The following ELAVL4 variants were observed in gnomAD, a reference collection of about 807,000 sequenced individuals.
The protein encoded by ELAVL4 is ELAV like RNA binding protein 4.
In ELAVL4, 1 loss-of-function variant was observed where a neutral mutation model predicts 35.6. That is an observed-to-expected ratio of 0.03 (90% CI 0.01 to 0.13). The LOEUF (loss-of-function observed/expected upper bound fraction) is 0.13. Ranked by LOEUF, ELAVL4 falls within the 10% of genes least tolerant of loss-of-function variation. ELAVL4 has a pLI of 1.00. For missense variants in ELAVL4, 267 were observed against 464.9 expected, an observed-to-expected ratio of 0.57 and a Z score of 3.91; for synonymous variants, 156 against 171.0, an observed-to-expected ratio of 0.91 and a Z score of 0.69.
chr1:50,161,984 G>A (rs1676884033), intron 2 of ELAVL4, among the ~76,000 whole-genome samples: 1 of 152,214 alleles, frequency 6.6e-6, no homozygotes, highest in Admixed American at 6.5e-5. Context: ...GCATTTTCAT[G>A]TTCAGAGACA....
intron 3 of ELAVL4, among the ~76,000 whole-genome samples, chr1:50,190,012 G>T (rs765328573): frequency 6.6e-6 from 1 of 152,230 alleles, no homozygotes; most frequent in Non-Finnish European, 1.5e-5. Flanking sequence ...ATCTTCCATA[G>T]AGATCATCTG....
At chr1:50,117,375 G>A (rs1026281437) in intron 1 of ELAVL4, among the ~76,000 whole-genome samples, 11 of 152,216 alleles carry the variant, frequency 7.2e-5, no homozygotes, top group East Asian at 1.9e-4. Flanking sequence ...CCAGAGAACC[G>A]TGAGTCTGCC....
chr1:50,155,629 G>A (rs192663794), intron 2 of ELAVL4, among the ~76,000 whole-genome samples: 1 of 152,198 alleles, frequency 6.6e-6, no homozygotes, highest in East Asian at 1.9e-4. Flanking sequence ...CTGCTGCCCT[G>A]AACTGAGGTA....
intron 1 of ELAVL4, among the ~76,000 whole-genome samples, chr1:50,089,146 G>A (rs183403023): frequency 1.9e-4 from 29 of 152,256 alleles, no homozygotes; most frequent in African/African-American, 6.0e-4. Context: ...AGAAATGGTC[G>A]CTGGCTTTGT....
chr1:50,124,407 C>T (rs1433796802), intron 1 of ELAVL4, among the ~76,000 whole-genome samples: 1 of 152,100 alleles, frequency 6.6e-6, no homozygotes, highest in African/African-American at 2.4e-5. Context: ...TTAAATCTCA[C>T]AACGATTCTA....
chr1:50,148,439 G>C (rs1000413160), intron 2 of ELAVL4, among the ~76,000 whole-genome samples: 1 of 152,190 alleles, frequency 6.6e-6, no homozygotes, highest in Admixed American at 6.5e-5. Context: ...ATATAACTCA[G>C]CCTTTGTCTT....
At chr1:50,106,197 G>A, upstream of ELAVL4, 1 of 906,202 alleles carries the variant, frequency 1.1e-6, no homozygotes, top group Non-Finnish European at 1.7e-6. Context: ...ACTGCGCGGA[G>A]TAGGTAGTTA....
Position 50,049,110 on chromosome 1 carries a change from A to T in ELAVL4, c.18+928A>T, listed in dbSNP as rs78308013. Among the ~76,000 whole-genome samples the T allele has an allele frequency of 2.6e-5, 4 of 152,178 alleles. No individual in the cohort carries two copies. The East Asian group carries it at 7.7e-4, about 29-fold the overall frequency. On this transcript the variant is annotated intron_variant, in intron 1 of 6. Transcript: ENST00000448907. ...ATATTGATTCCCAAGCTGTTAGCCA[A>T]TACCACTCAAGGGTAATAATTTTCA... is the stretch of plus-strand genomic sequence containing the variant.
At chr1:50,161,428 A>C (rs1676787753) in intron 2 of ELAVL4, among the ~76,000 whole-genome samples, 1 of 152,170 alleles carries the variant, frequency 6.6e-6, no homozygotes, top group Non-Finnish European at 1.5e-5. Flanking sequence ...AAGGTGAGAT[A>C]GTTGTCACTG....
At chr1:50,136,809 G>A (rs1378862124) in intron 1 of ELAVL4, among the ~76,000 whole-genome samples, 1 of 152,132 alleles carries the variant, frequency 6.6e-6, no homozygotes, top group African/African-American at 2.4e-5. Flanking sequence ...ATTGTGCAGT[G>A]AGGCTATATC....
At chr1:50,173,840 A>G (rs868458977) in intron 2 of ELAVL4, among the ~76,000 whole-genome samples, 8 of 151,148 alleles carry the variant, frequency 5.3e-5, no homozygotes, top group South Asian at 2.1e-4. Context: ...GCCATTTGGA[A>G]AAAAAAAGAA....
intron 1 of ELAVL4, among the ~76,000 whole-genome samples, chr1:50,137,241 T>C (rs570195331): frequency 6.6e-6 from 1 of 152,234 alleles, no homozygotes; most frequent in African/African-American, 2.4e-5. Flanking sequence ...GGACACAATA[T>C]GGTGTGGTTG....
intron 1 of ELAVL4, among the ~76,000 whole-genome samples, chr1:50,049,264 C>A (rs1663232045): frequency 6.6e-6 from 1 of 152,198 alleles, no homozygotes; most frequent in Non-Finnish European, 1.5e-5. Flanking sequence ...CCTTGAGAAG[C>A]TGCCTCACAT....
chr1:50,096,129 A>G (rs1000797972), intron 1 of ELAVL4, among the ~76,000 whole-genome samples: 1 of 151,986 alleles, frequency 6.6e-6, no homozygotes, highest in African/African-American at 2.4e-5. Context: ...ATTTTACTTT[A>G]GCAAATATTT....
At chr1:50,193,342 A>G (rs1682954640) in intron 3 of ELAVL4, among the ~76,000 whole-genome samples, 1 of 149,158 alleles carries the variant, frequency 6.7e-6, no homozygotes, top group African/African-American at 2.5e-5. Context: ...AAGGAGAGAA[A>G]TGTGCAGAGC....
intron 2 of ELAVL4, among the ~76,000 whole-genome samples, chr1:50,153,434 G>T (rs1675146318): frequency 6.6e-6 from 1 of 152,214 alleles, no homozygotes; most frequent in African/African-American, 2.4e-5. Context: ...GAATTAGTCA[G>T]CTGGTGAGTG....
chr1:50,177,014 C>A, intron 2 of ELAVL4, 75 bp from the exon 3 acceptor site: 2 of 1,247,510 alleles, frequency 1.6e-6, no homozygotes, highest in Non-Finnish European at 2.3e-6. Context: ...AGATACTGAG[C>A]ATGCTCTCTC....
intron 1 of ELAVL4, among the ~76,000 whole-genome samples, chr1:50,069,105 A>G (rs1483258213): frequency 6.6e-6 from 1 of 152,066 alleles, no homozygotes; most frequent in African/African-American, 2.4e-5. Context: ...AACAGATTTT[A>G]TTTCATTTTA....
chr1:50,144,790 T>A, intron 1 of ELAVL4, 167 bp from the exon 2 acceptor site: 3 of 1,022,660 alleles, frequency 2.9e-6, no homozygotes, highest in Non-Finnish European at 4.6e-6. Flanking sequence ...AGTTTAACAT[T>A]TTGGTTAAAA....
Sources: gnomAD v4.1 joint callset for allele counts (sites outside exome capture counted in the v4.1 genomes callset) on GRCh38, gnomAD v4.1.1 for gene constraint, MANE v1.5 for transcripts, NCBI Gene and HGNC (gene_info 2026-07-23, HGNC 2026-07-21) for gene names.